The following TP73 variants were observed in gnomAD, a reference collection of about 807,000 sequenced individuals.
TP73 encodes p53-like transcription factor.
A neutral mutation model predicts 62.5 loss-of-function variants in TP73; 25 were observed. The ratio of observed to expected loss-of-function variants is 0.40; its 90% CI spans 0.29 to 0.56. The LOEUF (loss-of-function observed/expected upper bound fraction) is 0.56. Ranked by LOEUF, TP73 falls within the 20% of genes least tolerant of loss-of-function variation. The probability of loss-of-function intolerance (pLI) is 0.46; values close to 1 mark genes in which losing one functional copy is unlikely to be tolerated. For missense variants in TP73, 754 were observed against 913.3 expected (o/e 0.83, Z 2.25); for synonymous variants, 423 against 377.5 (o/e 1.12, Z -1.40).
intron 3 of TP73, among the ~76,000 whole-genome samples, chr1:3,687,405 T>C (rs1283255167): frequency 6.6e-6 from 1 of 152,164 alleles, no homozygotes. Context: ...AGCTCCCTCG[T>C]AGGCTCGCAG....
At position 3,663,608 on chromosome 1, in the gene TP73, C is replaced by T. The variant is rs910360219; in HGVS notation, c.-34+10967C>T. On this transcript the variant is annotated intron_variant, in intron 1 of 13. Transcript: ENST00000378295. The surrounding 1 kb of genome is among the most constrained non-coding windows in gnomAD (Gnocchi z 4.7). ...GCGGGCGCCTGTAGTCCCAGCTACT[C>T]GGGAGGCTGAGGCAGGAGAATGGCG... 2.7e-5 allele frequency among the ~76,000 whole-genome samples: 4 copies of T among 150,176 alleles called. No individual in the cohort carries two copies. The highest frequency in any genetic ancestry group is 4.4e-5 in the Non-Finnish European group (3 of 67,682).
rs780024061 is a variant in TP73, at chr1:3,723,401, C to G, written c.664C>G (p.Leu222Val). ...SHLIRVEGNN[L>V]SQYVDDPVTG... ...CCTCATCCGCGTGGAAGGCAATAATCTCTCGCAGTATGTGGATGACCCTGT... is the reference window on the plus strand; with the variant it reads ...CCTCATCCGCGTGGAAGGCAATAATGTCTCGCAGTATGTGGATGACCCTGT... The change falls in exon 6 of 14, where the codon CTC becomes GTC. Residue 222 changes from leucine to valine, a missense_variant. Physicochemically the swap from Leu to Val is conservative, Grantham distance 32 (BLOSUM62 1). Transcript: ENST00000378295. 1.9e-6 allele frequency: 3 copies of G among 1,612,522 alleles called. No individual in the cohort carries two copies. Among genetic ancestry groups the G allele is most frequent in the Non-Finnish European group, 2.5e-6 (3 of 1,179,878 alleles).
chr1:3,654,783 G>T (rs1644831197), intron 1 of TP73, among the ~76,000 whole-genome samples: 1 of 152,232 alleles, frequency 6.6e-6, no homozygotes, highest in Non-Finnish European at 1.5e-5. Flanking sequence ...GGCGTGGGTG[G>T]AAGCTGATGG....
At chr1:3,657,974 G>A (rs1238000083) in intron 1 of TP73, among the ~76,000 whole-genome samples, 7 of 152,234 alleles carry the variant, frequency 4.6e-5, no homozygotes, top group East Asian at 1.9e-4. Context: ...GGACCTGGCC[G>A]TGGGTGCTAC....
At chr1:3,698,026 C>T in intron 3 of TP73, 1 of 964,452 alleles carries the variant, frequency 1.0e-6, no homozygotes, top group Non-Finnish European at 1.2e-6. Flanking sequence ...GCTCAGCCAC[C>T]CATTCTCGGC....
chr1:3,695,033 A>G (rs10910012), intron 3 of TP73, among the ~76,000 whole-genome samples: 116,732 of 149,330 alleles, frequency 0.78, 46,061 homozygotes, highest in Non-Finnish European at 0.84. Context: ...CTGTCCTTCC[A>G]CATGGGGGAC....
At chr1:3,679,464 T>C (rs1645457384) in intron 1 of TP73, among the ~76,000 whole-genome samples, 1 of 152,202 alleles carries the variant, frequency 6.6e-6, no homozygotes, top group Non-Finnish European at 1.5e-5. Flanking sequence ...TGTCTGTCTC[T>C]GTCTCCCTGT....
intron 3 of TP73, among the ~76,000 whole-genome samples, chr1:3,684,306 G>C (rs186220388): frequency 6.6e-6 from 1 of 152,176 alleles, no homozygotes; most frequent in Admixed American, 6.6e-5. Context: ...GGGGATACGC[G>C]GAACAGCGCG....
chr1:3,704,998 A>T (rs1434484494), intron 3 of TP73, among the ~76,000 whole-genome samples: 3 of 152,158 alleles, frequency 2.0e-5, no homozygotes, highest in African/African-American at 7.2e-5. Flanking sequence ...ATAGCCCAGG[A>T]GCCAGGAGAG....
At chr1:3,693,910 C>A (rs192906576) in intron 3 of TP73, among the ~76,000 whole-genome samples, 2 of 25,886 alleles carry the variant, frequency 7.7e-5, no homozygotes, top group East Asian at 8.1e-4. Context: ...AATCCCAGCC[C>A]TGCAGCCTCA....
At position 3,723,457 on chromosome 1, in the gene TP73, T is replaced by C. The variant is rs1641262660; in HGVS notation, c.720T>C (p.Tyr240=). 1 of 1,599,728 alleles carries C rather than the reference T, an allele frequency of 6.3e-7. No homozygotes were observed. Among genetic ancestry groups the C allele is most frequent in the Non-Finnish European group, 8.5e-7 (1 of 1,174,096 alleles). Residue 240 remains tyrosine, a synonymous_variant, in exon 6 of 14, where the codon TAT becomes TAC. Transcript: ENST00000378295. ...GCAGGCAGAGCGTCGTGGTGCCCTA[T>C]GAGCCACCACAGGTAGGCCAGGAGC... ...VTGRQSVVVP[Y]EPPQVGTEFT...
chr1:3,653,498 T>C (rs1644803580), intron 1 of TP73, among the ~76,000 whole-genome samples: 1 of 152,210 alleles, frequency 6.6e-6, no homozygotes. Context: ...AGGGGACAGA[T>C]AGACGATCTT....
chr1:3,697,975 C>T (rs1638819768), intron 3 of TP73: 1 of 583,324 alleles, frequency 1.7e-6, no homozygotes, highest in Admixed American at 6.3e-5. Flanking sequence ...GCCTCCCCCT[C>T]CCTGTACCCT....
At chr1:3,679,950 T>C (rs1193872708) in intron 1 of TP73, among the ~76,000 whole-genome samples, 1 of 151,728 alleles carries the variant, frequency 6.6e-6, no homozygotes, top group African/African-American at 2.4e-5. Flanking sequence ...TTTCTGTCTC[T>C]CTTTGTCTCT....
chr1:3,683,103 G>A lies in TP73; in HGVS notation c.109G>A (p.Gly37Arg), dbSNP rs1402306453. ...CTTCGACCTTCCCCAGTCAAGCCGG[G>A]GGAATAATGAGGTGGTGGGCGGAAC... is the stretch of plus-strand genomic sequence containing the variant. ...TYFDLPQSSR[G>R]NNEVVGGTDS... Residue 37 changes from glycine (G) to arginine (R), a missense_variant, in exon 3 of 14, where the codon GGG becomes AGG. Physicochemically the swap from Gly to Arg is moderately radical, Grantham distance 125. This residue lies in a region of TP73 where 235 missense variants were observed against 251.4 expected (regional missense o/e 0.93). Coordinates refer to ENST00000378295, the MANE Select transcript of TP73 (RefSeq NM_005427.4). 2 of 1,612,472 alleles carry A rather than the reference G, an allele frequency of 1.2e-6. No individual in the cohort carries two copies. Among genetic ancestry groups the A allele is most frequent in the Admixed American group, 1.7e-5 (1 of 59,984 alleles).
At chr1:3,718,506 G>A (rs536707056) in intron 4 of TP73, among the ~76,000 whole-genome samples, 2 of 152,156 alleles carry the variant, frequency 1.3e-5, no homozygotes, top group East Asian at 1.9e-4. Flanking sequence ...CCAGGCGGGC[G>A]GGAGCTCAGG....
chr1:3,702,417 A>G (rs938073174), intron 3 of TP73, among the ~76,000 whole-genome samples: 2 of 152,028 alleles, frequency 1.3e-5, no homozygotes, highest in African/African-American at 4.8e-5. Flanking sequence ...GATACCTGTG[A>G]CTGGCCCAGG....
intron 9 of TP73, 105 bp downstream of exon 9, chr1:3,728,322 G>C: frequency 3.3e-6 from 4 of 1,222,902 alleles, no homozygotes; most frequent in Non-Finnish European, 4.6e-6. Context: ...CATGGTGGAG[G>C]GGGCGGGAGG....
Position 3,687,500 on chromosome 1 carries a change from G to A in TP73, c.186+4320G>A, listed in dbSNP as rs192176831. Among the ~76,000 whole-genome samples, 32 of 152,340 alleles carry A rather than the reference G, an allele frequency of 2.1e-4. No homozygotes were observed. In the East Asian group the frequency reaches 5.4e-3, roughly 26 times the overall value. The stretch of plus-strand genomic sequence containing the variant: ...CACCCGAGGAGTCTCTGCAGTGCTG[G>A]GCCTGGGCTTGGAAGCGAATCCCTG... On this transcript the variant is annotated intron_variant, in intron 3 of 13. Transcript: ENST00000378295.
Sources: gnomAD v4.1 joint callset for allele counts (sites outside exome capture counted in the v4.1 genomes callset) on GRCh38, gnomAD v4.1.1 for gene constraint, gnomAD v4.1.1 regional missense constraint, Gnocchi (gnomAD v3.1) non-coding constraint, MANE v1.5 for transcripts, NCBI Gene and HGNC (gene_info 2026-07-23, HGNC 2026-07-21) for gene names.